The following KLC1 variants were observed in gnomAD, a reference collection of about 807,000 sequenced individuals.
KLC1 encodes the protein kinesin 2 60/70kDa.
In KLC1, 30 loss-of-function variants were observed where a neutral mutation model predicts 84.2. The observed-to-expected ratio is 0.36, with a 90% CI of 0.27 to 0.48. The LOEUF (loss-of-function observed/expected upper bound fraction) is 0.48, where lower values mean the gene tolerates loss of function less well. Among genes scored for constraint, KLC1 ranks in the 20% least tolerant of loss-of-function variants. The pLI is 0.99. For missense variants in KLC1, 499 were observed against 805.4 expected, an observed-to-expected ratio of 0.62 and a Z score of 4.60; for synonymous variants, 289 against 293.3, an observed-to-expected ratio of 0.99 and a Z score of 0.15.
intron 15 of KLC1, chr14:103,698,455 G>A (rs2082763388): frequency 5.5e-6 from 2 of 366,910 alleles, no homozygotes; most frequent in African/African-American, 2.1e-5. Flanking sequence ...GGGCTTCCAT[G>A]TGGAGAGAAG....
intron 1 of KLC1, among the ~76,000 whole-genome samples, chr14:103,647,728 T>G (rs1017202544): frequency 6.6e-6 from 1 of 151,452 alleles, no homozygotes; most frequent in Non-Finnish European, 1.5e-5. Context: ...ATACAAAAAT[T>G]AGCTGAGCAT....
chr14:103,642,330 A>G (rs533854465), intron 1 of KLC1, among the ~76,000 whole-genome samples: 2 of 152,180 alleles, frequency 1.3e-5, no homozygotes, highest in Non-Finnish European at 2.9e-5. Context: ...TACTCTAGGC[A>G]TTAGAATTTT....
intron 13 of KLC1, among the ~76,000 whole-genome samples, chr14:103,680,055 C>G (rs2081221936): frequency 6.6e-6 from 1 of 152,214 alleles, no homozygotes; most frequent in Non-Finnish European, 1.5e-5. Context: ...TGCCTCAGTC[C>G]TGAGCGTCCT....
chr14:103,679,098 C>A (rs2081153019), intron 12 of KLC1, among the ~76,000 whole-genome samples: 1 of 152,050 alleles, frequency 6.6e-6, no homozygotes, highest in Non-Finnish European at 1.5e-5. Context: ...ACTTAGAAAA[C>A]CACATGACCC....
chr14:103,637,329 A>C (rs968175003), intron 1 of KLC1, among the ~76,000 whole-genome samples: 6 of 151,966 alleles, frequency 3.9e-5, no homozygotes, highest in Middle Eastern at 3.4e-3. Context: ...CAGGAGTTTG[A>C]GACTACCCTG....
chr14:103,631,374 C>T (rs1189918856), intron 1 of KLC1, among the ~76,000 whole-genome samples: 1 of 152,078 alleles, frequency 6.6e-6, no homozygotes, highest in Non-Finnish European at 1.5e-5. Context: ...GCCACCGCAC[C>T]TGGCCCAAAT....
At chr14:103,652,637 G>A (rs1474474620) in intron 1 of KLC1, among the ~76,000 whole-genome samples, 1 of 152,094 alleles carries the variant, frequency 6.6e-6, no homozygotes, top group East Asian at 1.9e-4. Flanking sequence ...GAGTACAGGC[G>A]AGCGCCATCA....
chr14:103,694,451 C>T lies in KLC1; in HGVS notation c.1848+2026C>T, dbSNP rs769882272. ...ATCGAGACCATCCTGGCTAACATGGCGTTTCACTTTTTAAAAGCTTAAGCT... is the reference window on the plus strand; with the variant it reads ...ATCGAGACCATCCTGGCTAACATGGTGTTTCACTTTTTAAAAGCTTAAGCT... On this transcript the variant is annotated intron_variant, in intron 15 of 16. Coordinates refer to ENST00000334553, the MANE Select transcript of KLC1 (RefSeq NM_001394837.1). The surrounding 1 kb of genome is among the most constrained non-coding windows in gnomAD (Gnocchi z 4.5). 7.1e-6 allele frequency: 7 copies of T among 985,278 alleles called. No homozygotes were observed. Among genetic ancestry groups the T allele is most frequent in the Non-Finnish European group, 8.4e-6 (7 of 829,850 alleles). 61.0% of individuals were successfully genotyped at this position (985,278 alleles called of 1,614,324 possible). A position where few individuals can be genotyped will look rare whatever the true frequency, so the allele number is the denominator to read the frequency against.
In KLC1 at chr14:103,629,266, G is replaced by A. The variant is rs1339537418; in HGVS notation, c.-230G>A. The A allele has an allele frequency of 6.5e-6, 1 of 152,904 alleles. No individual in the cohort carries two copies. Among genetic ancestry groups the A allele is most frequent in the African/African-American group, 2.4e-5 (1 of 41,430 alleles). The allele number at this position is 152,904 out of a possible 1,614,324, so 9.5% of individuals were successfully genotyped here. On this transcript the variant is annotated 5_prime_UTR_variant, in exon 1 of 17. Transcript: ENST00000334553. ...CGAGCGGGACTGGCTGGGTCGGCTGGGCTGCTGGTGCGAGGAGCCGCGGGG... is the reference window on the plus strand; with the variant it reads ...CGAGCGGGACTGGCTGGGTCGGCTGAGCTGCTGGTGCGAGGAGCCGCGGGG...
chr14:103,636,628 C>A (rs1173115023), intron 1 of KLC1, among the ~76,000 whole-genome samples: 3 of 152,038 alleles, frequency 2.0e-5, no homozygotes, highest in Non-Finnish European at 4.4e-5. Flanking sequence ...ACATGCTTGT[C>A]GGTCTTTGTA....
chr14:103,679,674 A>G (rs761125343), intron 13 of KLC1, 129 bp downstream of exon 13: 63 of 656,292 alleles, frequency 9.6e-5, no homozygotes, highest in Non-Finnish European at 7.2e-5. Flanking sequence ...AGCTTTCTGT[A>G]AGTTCTTCAC....
intron 5 of KLC1, 35 bp downstream of exon 5, chr14:103,662,962 T>C (rs774621299): frequency 3.5e-6 from 5 of 1,436,288 alleles, no homozygotes; most frequent in Non-Finnish European, 4.8e-6. Context: ...GAATTTTACC[T>C]AGAGACAATG....
intron 1 of KLC1, among the ~76,000 whole-genome samples, chr14:103,649,061 C>T (rs1460432514): frequency 4.6e-5 from 7 of 152,092 alleles, no homozygotes; most frequent in African/African-American, 9.6e-5. Context: ...CGCTTGAGCC[C>T]GGGATGCGGA....
At chr14:103,643,089 A>C (rs1025008624) in intron 1 of KLC1, among the ~76,000 whole-genome samples, 6 of 152,196 alleles carry the variant, frequency 3.9e-5, no homozygotes, top group African/African-American at 1.4e-4. Context: ...ATTTTTAACA[A>C]TTAGTATTTT....
At chr14:103,631,086 T>G (rs914865554) in intron 1 of KLC1, among the ~76,000 whole-genome samples, 13 of 142,944 alleles carry the variant, frequency 9.1e-5, no homozygotes, top group East Asian at 2.0e-4. Flanking sequence ...ACTTACACAT[T>G]TTTTTTTTTT....
rs2079124186 is a variant in KLC1, at chr14:103,659,693, C to T, written c.492+1917C>T. Among the ~76,000 whole-genome samples the T allele has an allele frequency of 1.3e-5, 2 of 152,102 alleles. 1 individual carries two copies. Among genetic ancestry groups the T allele is most frequent in the South Asian group, 4.1e-4 (2 of 4,826 alleles). Reference sequence around the variant, plus strand: ...CACATTTGTGTGTCTCGTTCGAATCCCCATCCTAAGACTACTGAAACAGTT... The same window carrying T: ...CACATTTGTGTGTCTCGTTCGAATCTCCATCCTAAGACTACTGAAACAGTT... On this transcript the variant is annotated intron_variant, in intron 3 of 16. Coordinates refer to ENST00000334553, the MANE Select transcript of KLC1 (RefSeq NM_001394837.1).
At chr14:103,666,982 T>C (rs549552249) in intron 5 of KLC1, among the ~76,000 whole-genome samples, 26 of 149,994 alleles carry the variant, frequency 1.7e-4, no homozygotes, top group African/African-American at 5.7e-4. Flanking sequence ...CTTATCATTC[T>C]TGGTCAGGCT....
intron 15 of KLC1, chr14:103,696,994 G>A: frequency 2.0e-6 from 2 of 980,660 alleles, no homozygotes; most frequent in Non-Finnish European, 2.4e-6. Context: ...GAGCCAGCAT[G>A]GGCGGGGCCG....
At position 103,696,223 on chromosome 14, in the gene KLC1, T is replaced by C. The variant is rs116769250; in HGVS notation, c.1848+3798T>C. ...GTAGTTGGTGCAGCTGTGGCAGAAA[T>C]CAGGCCCCTGGGGAAGTCCTGTGAC... On this transcript the variant is annotated intron_variant, in intron 15 of 16. Coordinates refer to ENST00000334553, the MANE Select transcript of KLC1 (RefSeq NM_001394837.1). The C allele has an allele frequency of 4.4e-3, 4,351 of 984,196 alleles. 132 individuals are homozygous for C. The African/African-American group carries it at 0.063, about 14-fold the overall frequency. The allele number at this position is 984,196 out of a possible 1,614,324, so 61.0% of individuals were successfully genotyped here. A position where few individuals can be genotyped will look rare whatever the true frequency, so the allele number is the denominator to read the frequency against.
Sources: gnomAD v4.1 joint callset for allele counts (sites outside exome capture counted in the v4.1 genomes callset) on GRCh38, gnomAD v4.1.1 for gene constraint, Gnocchi (gnomAD v3.1) non-coding constraint, MANE v1.5 for transcripts, NCBI Gene and HGNC (gene_info 2026-07-23, HGNC 2026-07-21) for gene names.